Variants in C10orf90 observed in about 807,000 individuals in gnomAD.
C10orf90 encodes the protein chromosome 10 open reading frame 90.
In C10orf90, 56 loss-of-function variants were observed where a neutral mutation model predicts 62.5. The observed-to-expected ratio is 0.90, with a 90% CI of 0.72 to 1.12. The LOEUF (loss-of-function observed/expected upper bound fraction) is 1.12, where lower values mean the gene tolerates loss of function less well. Ranked by LOEUF, C10orf90 falls within the 50% of genes most tolerant of loss-of-function variation. C10orf90 has a pLI of 0.00. For missense variants in C10orf90, 970 were observed against 880.4 expected (o/e 1.10, Z -1.29); for synonymous variants, 386 against 340.4 (o/e 1.13, Z -1.47).
At chr10:126,479,091 T>A (rs1465727526) in intron 4 of C10orf90, among the ~76,000 whole-genome samples, 1 of 152,122 alleles carries the variant, frequency 6.6e-6, no homozygotes, top group Non-Finnish European at 1.5e-5. Flanking sequence ...TGTGCTGAAC[T>A]CCCGCTGTAC....
chr10:126,503,714 A>G (rs1862533452), intron 4 of C10orf90, among the ~76,000 whole-genome samples: 1 of 152,130 alleles, frequency 6.6e-6, no homozygotes, highest in South Asian at 2.1e-4. Context: ...TATGGTCTGG[A>G]ACTATTGGGA....
chr10:126,618,576 T>C (rs1005254933), intron 2 of C10orf90, among the ~76,000 whole-genome samples: 1 of 152,202 alleles, frequency 6.6e-6, no homozygotes, highest in Non-Finnish European at 1.5e-5. Flanking sequence ...CTGTAGTTGC[T>C]TAAAGACAGT....
intron 1 of C10orf90, among the ~76,000 whole-genome samples, chr10:126,661,673 T>C (rs1347119337): frequency 2.0e-5 from 3 of 150,170 alleles, no homozygotes; most frequent in Non-Finnish European, 4.4e-5. Flanking sequence ...TCTCTCTCTT[T>C]TTTTTTTTTT....
intron 3 of C10orf90, among the ~76,000 whole-genome samples, chr10:126,507,871 T>C (rs897695408): frequency 3.9e-5 from 6 of 152,176 alleles, no homozygotes; most frequent in Non-Finnish European, 7.3e-5. Context: ...TTTTTATGGA[T>C]GTAGTTTACA....
chr10:126,660,624 T>C (rs1338170349), intron 1 of C10orf90, among the ~76,000 whole-genome samples: 3 of 152,242 alleles, frequency 2.0e-5, no homozygotes, highest in Non-Finnish European at 4.4e-5. Context: ...TGATTCAACC[T>C]GAAGACATCC....
At chr10:126,442,494 T>G (rs1441715547) in intron 7 of C10orf90, among the ~76,000 whole-genome samples, 2 of 109,764 alleles carry the variant, frequency 1.8e-5, no homozygotes, top group Non-Finnish European at 3.7e-5. Context: ...TATATATATA[T>G]ATATATATAT....
At position 126,649,295 on chromosome 10, in the gene C10orf90, T is replaced by C. The variant is rs544567416; in HGVS notation, c.241-2658A>G. Among the ~76,000 whole-genome samples the C allele has an allele frequency of 7.9e-5, 12 of 152,192 alleles. 1 individual carries two copies. In the Middle Eastern group the frequency reaches 0.027, roughly 345 times the overall value. On this transcript the variant is annotated intron_variant, in intron 1 of 9. Coordinates refer to ENST00000488181, the MANE Select transcript of C10orf90 (RefSeq NM_001350921.2). Reference sequence around the variant, plus strand: ...TGCAAAGACTTGGCGTGGACTCTACTTTCTGCTGGTTTCTCCCTGTAATCC... The same window carrying C: ...TGCAAAGACTTGGCGTGGACTCTACCTTCTGCTGGTTTCTCCCTGTAATCC...
intron 1 of C10orf90, among the ~76,000 whole-genome samples, chr10:126,667,512 C>T (rs770112805): frequency 6.6e-6 from 1 of 152,188 alleles, no homozygotes; most frequent in Non-Finnish European, 1.5e-5. Flanking sequence ...TAGAAACTGT[C>T]GCCTGTCAGA....
intron 1 of C10orf90, among the ~76,000 whole-genome samples, chr10:126,649,054 C>G (rs1300934234): frequency 1.8e-5 from 1 of 56,870 alleles, no homozygotes; most frequent in African/African-American, 7.2e-5. Context: ...CTCTCTCTCT[C>G]TCTCTCTCTC....
At chr10:126,442,145 G>A (rs977199514) in intron 7 of C10orf90, among the ~76,000 whole-genome samples, 11 of 151,806 alleles carry the variant, frequency 7.2e-5, no homozygotes, top group Non-Finnish European at 1.3e-4. Flanking sequence ...CCAACCATCT[G>A]CTGCCTTCAA....
Position 126,670,405 on chromosome 10 carries a change from G to A in C10orf90, c.76C>T (p.Arg26Trp), listed in dbSNP as rs567945207. 4 of 456,700 alleles carry A rather than the reference G, an allele frequency of 8.8e-6. No individual in the cohort carries two copies. Among genetic ancestry groups the A allele is most frequent in the South Asian group, 3.1e-5 (2 of 64,568 alleles). 28.3% of individuals were successfully genotyped at this position (456,700 alleles called of 1,614,324 possible). The change falls in exon 1 of 10, where the codon CGG (arginine) becomes TGG (tryptophan). Residue 26 changes from arginine (R) to tryptophan (W), a missense_variant. By Grantham distance (101) the Arg-to-Trp change is moderately radical. Transcript: ENST00000488181. ...CTAAATGTTTTTATCTGGAAAGTCC[G>A]ATGCACGGCCGTTTCTGTGTAGCGG... ...AARYTETAVH[R>W]TFQIKTFSTE... is the part of the protein sequence containing the mutation.
At chr10:126,617,905 A>G (rs1253990229) in intron 2 of C10orf90, among the ~76,000 whole-genome samples, 1 of 152,240 alleles carries the variant, frequency 6.6e-6, no homozygotes, top group Non-Finnish European at 1.5e-5. Flanking sequence ...CACAAGATCC[A>G]TGAGCAATAA....
intron 2 of C10orf90, among the ~76,000 whole-genome samples, chr10:126,525,284 G>A (rs941409498): frequency 3.3e-5 from 5 of 152,188 alleles, no homozygotes; most frequent in Non-Finnish European, 4.4e-5. Context: ...AGCCACACAC[G>A]TCGGTGAGAC....
intron 2 of C10orf90, among the ~76,000 whole-genome samples, chr10:126,526,063 A>ACACAC (rs1266531514): frequency 3.2e-5 from 3 of 93,282 alleles, no homozygotes; most frequent in East Asian, 3.4e-4. Flanking sequence ...CACACACACA[A>ACACAC]AAGAAGCAGA....
intron 3 of C10orf90, among the ~76,000 whole-genome samples, chr10:126,512,597 G>A (rs935757029): frequency 2.0e-5 from 3 of 152,102 alleles, no homozygotes; most frequent in Non-Finnish European, 2.9e-5. Context: ...GTGTAGCAGT[G>A]GAGCTCAGCA....
intron 2 of C10orf90, among the ~76,000 whole-genome samples, chr10:126,608,651 A>C (rs1353895696): frequency 6.6e-6 from 1 of 152,250 alleles, no homozygotes; most frequent in Non-Finnish European, 1.5e-5. Context: ...ACAGCACATC[A>C]CAATGGATTA....
At chr10:126,590,156 T>C (rs1022616903) in intron 2 of C10orf90, among the ~76,000 whole-genome samples, 1 of 152,184 alleles carries the variant, frequency 6.6e-6, no homozygotes, top group Non-Finnish European at 1.5e-5. Flanking sequence ...TAAATATATA[T>C]GTACCCAACA....
chr10:126,582,242 T>C (rs180696374), intron 2 of C10orf90, among the ~76,000 whole-genome samples: 1 of 152,226 alleles, frequency 6.6e-6, no homozygotes, highest in Non-Finnish European at 1.5e-5. Context: ...ACACCTGTGC[T>C]GAGAGTGTGC....
intron 2 of C10orf90, among the ~76,000 whole-genome samples, chr10:126,527,636 T>C (rs183025712): frequency 5.9e-5 from 9 of 152,328 alleles, no homozygotes. Flanking sequence ...ACTTATAAAA[T>C]CTGTGACTTA....
Sources: gnomAD v4.1 joint callset for allele counts (sites outside exome capture counted in the v4.1 genomes callset) on GRCh38, gnomAD v4.1.1 for gene constraint, MANE v1.5 for transcripts, NCBI Gene and HGNC (gene_info 2026-07-23, HGNC 2026-07-21) for gene names.